The following MCPH1 variants were observed in gnomAD, a reference collection of about 807,000 sequenced individuals.
MCPH1 encodes microcephalin 1, also known as microcephalin.
A neutral mutation model predicts 84.5 loss-of-function variants in MCPH1; 104 were observed. That is an observed-to-expected ratio of 1.23 (90% CI 1.05 to 1.45). The LOEUF (loss-of-function observed/expected upper bound fraction) is 1.45, where lower values mean the gene tolerates loss of function less well. Among genes scored for constraint, MCPH1 ranks in the 40% most tolerant of loss-of-function variants. The pLI is 0.00. For missense variants in MCPH1, 1,498 were observed against 1,005.7 expected (o/e 1.49, Z -6.62); for synonymous variants, 514 against 366.8 (o/e 1.40, Z -4.58).
At chr8:6,427,769 A>G (rs1801265832) in intron 3 of MCPH1, among the ~76,000 whole-genome samples, 1 of 147,532 alleles carries the variant, frequency 6.8e-6, no homozygotes, top group African/African-American at 2.5e-5. Flanking sequence ...ACCTAATACG[A>G]GTACTTCGTA....
intron 12 of MCPH1, among the ~76,000 whole-genome samples, chr8:6,556,959 A>G (rs1202942080): frequency 6.6e-6 from 1 of 152,092 alleles, no homozygotes; most frequent in African/African-American, 2.4e-5. Context: ...ATGTGAAGGC[A>G]CTCGATAAAT....
chr8:6,439,199 G>A, intron 6 of MCPH1, 103 bp downstream of exon 6: 1 of 1,199,758 alleles, frequency 8.3e-7, no homozygotes, highest in Non-Finnish European at 1.2e-6. Context: ...TTTCCTGGTA[G>A]TAACACATTT....
rs749208634 is a variant in MCPH1, at chr8:6,411,830, G to A, written c.114+2460G>A. On this transcript the variant is annotated intron_variant, in intron 2 of 13. Coordinates refer to ENST00000344683, the MANE Select transcript of MCPH1 (RefSeq NM_024596.5). ...GCATCCACTGGGAGGGGTTGGGGGC[G>A]GGACGCGGGCATGTCTTAGAACTTA... 9.9e-5 allele frequency among the ~76,000 whole-genome samples: 15 copies of A among 152,264 alleles called. No homozygotes were observed. The South Asian group carries it at 2.9e-3, about 29-fold the overall frequency.
At chr8:6,624,112 G>A (rs1444293863) in intron 13 of MCPH1, among the ~76,000 whole-genome samples, 2 of 152,218 alleles carry the variant, frequency 1.3e-5, no homozygotes, top group Non-Finnish European at 2.9e-5. Flanking sequence ...TCCTCCGGTT[G>A]TTTTGCCGCT....
At chr8:6,556,324 T>G (rs1824599179) in intron 12 of MCPH1, among the ~76,000 whole-genome samples, 1 of 152,230 alleles carries the variant, frequency 6.6e-6, no homozygotes, top group South Asian at 2.1e-4. Context: ...TCTTTGTATA[T>G]TCTCCATTTT....
At chr8:6,515,072 TGGTCCAG>T (rs924065049) in intron 12 of MCPH1, among the ~76,000 whole-genome samples, 4 of 151,158 alleles carry the variant, frequency 2.6e-5, no homozygotes, top group African/African-American at 9.8e-5. Context: ...CCCTGATGGC[TGGTCCAG>T]AGATTGCTGT....
At chr8:6,622,937 C>G (rs1429004763) in intron 13 of MCPH1, among the ~76,000 whole-genome samples, 1 of 151,830 alleles carries the variant, frequency 6.6e-6, no homozygotes, top group African/African-American at 2.4e-5. Context: ...GCCTCTCTGG[C>G]TGAAGTGATT....
intron 2 of MCPH1, 32 bp downstream of exon 2, chr8:6,409,402 G>T: frequency 6.7e-7 from 1 of 1,498,882 alleles, no homozygotes; most frequent in South Asian, 1.1e-5. Flanking sequence ...TGATTCATAT[G>T]ACAGTCTTCT....
chr8:6,622,085 C>G (rs930116185), intron 13 of MCPH1: 9 of 349,178 alleles, frequency 2.6e-5, no homozygotes, highest in African/African-American at 6.4e-5. Context: ...CACTGGGGCC[C>G]AAGCCCCCGT....
At chr8:6,588,941 A>C (rs575406808) in intron 12 of MCPH1, among the ~76,000 whole-genome samples, 2 of 152,378 alleles carry the variant, frequency 1.3e-5, no homozygotes, top group East Asian at 3.9e-4. Context: ...CACCAGGACA[A>C]AGGATCAAGG....
At chr8:6,546,800 C>T (rs1269250480) in intron 12 of MCPH1, among the ~76,000 whole-genome samples, 1 of 152,172 alleles carries the variant, frequency 6.6e-6, no homozygotes, top group Non-Finnish European at 1.5e-5. Context: ...CCAAGTATTG[C>T]CTTTAATTGT....
At chr8:6,562,685 C>G (rs1825742811) in intron 12 of MCPH1, 2 of 1,601,630 alleles carry the variant, frequency 1.2e-6, no homozygotes, top group South Asian at 1.1e-5. Flanking sequence ...ATGATGTTCT[C>G]CAGCACTTGC....
At chr8:6,584,808 G>A (rs915506851) in intron 12 of MCPH1, among the ~76,000 whole-genome samples, 1 of 152,184 alleles carries the variant, frequency 6.6e-6, no homozygotes, top group Admixed American at 6.5e-5. Flanking sequence ...GCTTGCAAAC[G>A]TAGTTCTTTT....
intron 13 of MCPH1, among the ~76,000 whole-genome samples, chr8:6,630,794 C>CAAAAAAAAAACAACAAAAAAAAAAAAAA (rs1797103192): frequency 7.7e-6 from 1 of 129,528 alleles, no homozygotes. Flanking sequence ...AAAAAAAAAA[C>CAAAAAAAAAACAACAAAAAAAAAAAAAA]AAAAAAAAAA....
Position 6,444,451 on chromosome 8 carries a change from A to T in MCPH1, c.729A>T (p.Gly243=), listed in dbSNP as rs370543894. 128 of 1,614,052 alleles carry T rather than the reference A, an allele frequency of 7.9e-5. No individual in the cohort carries two copies. Among genetic ancestry groups the T allele is most frequent in the Non-Finnish European group, 9.4e-5 (111 of 1,180,022 alleles). The change falls in exon 8 of 14, where the codon GGA becomes GGT. Residue 243 remains glycine (G), a synonymous_variant. Coordinates refer to ENST00000344683, the MANE Select transcript of MCPH1 (RefSeq NM_024596.5). ...SSFDDLCGNS[G]CGNQERKLEG... is the part of the protein sequence containing the mutation. ...TTGATGATCTTTGTGGAAACTCAGG[A>T]TGTGGAAATCAGGAAAGGAAGTTGG...
intron 12 of MCPH1, among the ~76,000 whole-genome samples, chr8:6,605,958 G>C (rs539885298): frequency 6.6e-6 from 1 of 152,220 alleles, no homozygotes; most frequent in Non-Finnish European, 1.5e-5. Flanking sequence ...TGGCCCCCCA[G>C]AATGCTGGGA....
intron 8 of MCPH1, among the ~76,000 whole-genome samples, chr8:6,454,567 A>C (rs1403022919): frequency 6.6e-6 from 1 of 152,210 alleles, no homozygotes; most frequent in Non-Finnish European, 1.5e-5. Flanking sequence ...TTAGGTCTAC[A>C]GAGGTTAGCA....
In MCPH1 at chr8:6,554,308, GAAAA is replaced by G. The variant is rs10715108; in HGVS notation, c.2214+54387_2214+54390del. Among the ~76,000 whole-genome samples, 4 of 142,940 alleles carry G rather than the reference GAAAA, an allele frequency of 2.8e-5. No individual in the cohort carries two copies. In the South Asian group the frequency reaches 8.9e-4, roughly 32 times the overall value. 93.8% of individuals were successfully genotyped at this position (142,940 alleles called of 152,430 possible). A position where few individuals can be genotyped will look rare whatever the true frequency, so the allele number is the denominator to read the frequency against. ...ACAAGATCTGGATTTTAAAAAGAGA[GAAAA>G]AAAAAAATGGAAAGGCTGGCTGCTT... On this transcript the variant is annotated intron_variant, in intron 12 of 13. Coordinates refer to ENST00000344683, the MANE Select transcript of MCPH1 (RefSeq NM_024596.5).
chr8:6,445,613 A>G (rs1220331478), intron 8 of MCPH1, 66 bp downstream of exon 8: 11 of 1,514,258 alleles, frequency 7.3e-6, no homozygotes, highest in Middle Eastern at 1.8e-4. Flanking sequence ...TCCATATTTT[A>G]AATTTATCAC....
Sources: gnomAD v4.1 joint callset for allele counts (sites outside exome capture counted in the v4.1 genomes callset) on GRCh38, gnomAD v4.1.1 for gene constraint, MANE v1.5 for transcripts, NCBI Gene and HGNC (gene_info 2026-07-23, HGNC 2026-07-21) for gene names.